The following TMEM178B variants were observed in gnomAD, a reference collection of about 807,000 sequenced individuals.
TMEM178B encodes the protein transmembrane protein 178B.
TMEM178B carries 5 observed loss-of-function variants against 31.0 expected under a neutral mutation model. That is an observed-to-expected ratio of 0.16 (90% CI 0.08 to 0.34). TMEM178B has a LOEUF of 0.34. Among genes scored for constraint, TMEM178B ranks in the 10% least tolerant of loss-of-function variants. TMEM178B has a pLI of 1.00. For synonymous variants in TMEM178B, 164 were observed against 164.0 expected (o/e 1.00, Z 0.00); for missense variants, 275 against 400.3 (o/e 0.69, Z 2.67).
chr7:141,333,180 T>TAGACATAAACGTTGATAAAGCTTGATC (rs1799325543), intron 2 of TMEM178B, among the ~76,000 whole-genome samples: 1 of 152,236 alleles, frequency 6.6e-6, no homozygotes, highest in Non-Finnish European at 1.5e-5. Context: ...AAAACAGCGT[T>TAGACATAAACGTTGATAAAGCTTGATC]AGACATAAAC....
rs1191912376 is a variant in TMEM178B, at chr7:141,461,466, G to T, written c.635-9070G>T. On this transcript the variant is annotated intron_variant, in intron 3 of 3. Transcript: ENST00000565468. The surrounding 1 kb of genome is among the most constrained non-coding windows in gnomAD (Gnocchi z 4.0). Reference sequence around the variant, plus strand: ...TGTGGGCATAACTTGGTCACATAAGGATTAGATATTTGGGCAAATGCCTGT... The same window carrying T: ...TGTGGGCATAACTTGGTCACATAAGTATTAGATATTTGGGCAAATGCCTGT... Among the ~76,000 whole-genome samples, 1 of 152,230 alleles carries T rather than the reference G, an allele frequency of 6.6e-6. No homozygotes were observed. The highest frequency in any genetic ancestry group is 1.5e-5 in the Non-Finnish European group (1 of 68,042).
At chr7:141,336,963 C>G (rs1285779309) in intron 2 of TMEM178B, among the ~76,000 whole-genome samples, 1 of 93,502 alleles carries the variant, frequency 1.1e-5, no homozygotes, top group Non-Finnish European at 2.2e-5. Flanking sequence ...ACCACCATCA[C>G]TACCACCACC....
intron 2 of TMEM178B, among the ~76,000 whole-genome samples, chr7:141,360,629 C>G (rs1472085591): frequency 6.6e-6 from 1 of 152,204 alleles, no homozygotes; most frequent in Non-Finnish European, 1.5e-5. Context: ...TTTCTTTGCC[C>G]TCACTAACTC....
At chr7:141,235,859 T>C (rs1050552340) in intron 2 of TMEM178B, among the ~76,000 whole-genome samples, 1 of 152,226 alleles carries the variant, frequency 6.6e-6, no homozygotes, top group African/African-American at 2.4e-5. Context: ...CTTTGAATCT[T>C]ACAATCTCCC....
intron 1 of TMEM178B, among the ~76,000 whole-genome samples, chr7:141,091,305 G>A (rs1437667789): frequency 6.6e-6 from 1 of 152,128 alleles, no homozygotes; most frequent in Non-Finnish European, 1.5e-5. Flanking sequence ...AGTAATTCAG[G>A]TTTCATAAAA....
At chr7:141,152,532 A>AT (rs1017529088) in intron 1 of TMEM178B, among the ~76,000 whole-genome samples, 2 of 152,186 alleles carry the variant, frequency 1.3e-5, no homozygotes, top group African/African-American at 4.8e-5. Context: ...TCACTTCTAC[A>AT]TCAAGAGACC....
At chr7:141,357,073 A>G (rs1259173291) in intron 2 of TMEM178B, among the ~76,000 whole-genome samples, 2 of 152,222 alleles carry the variant, frequency 1.3e-5, no homozygotes, top group Non-Finnish European at 2.9e-5. Context: ...AAGTATTGCA[A>G]TATTGGTTCA....
At chr7:141,377,042 T>G (rs4512306) in intron 2 of TMEM178B, among the ~76,000 whole-genome samples, 2,724 of 152,208 alleles carry the variant, frequency 0.018, 81 homozygotes, top group African/African-American at 0.061. Flanking sequence ...AAAGAAAATA[T>G]GCCCTAAGAT....
rs903589982 is a variant in TMEM178B, at chr7:141,475,549, A to G, written c.*4763A>G. The G allele has an allele frequency of 1.3e-5, 2 of 152,198 alleles. No homozygotes were observed. The highest frequency in any genetic ancestry group is 2.1e-4 in the South Asian group (1 of 4,826). The allele number at this position is 152,198 out of a possible 1,614,324, so 9.4% of individuals were successfully genotyped here. A position where few individuals can be genotyped will look rare whatever the true frequency, so the allele number is the denominator to read the frequency against. On this transcript the variant is annotated 3_prime_UTR_variant, in exon 4 of 4. Transcript: ENST00000565468. ...TGGTCATGACCTCAAAACTTCCCCA[A>G]TGAGTGCTTGTCTCTGGGTTGGCAG...
intron 1 of TMEM178B, among the ~76,000 whole-genome samples, chr7:141,126,082 T>G (rs980593809): frequency 2.0e-5 from 3 of 152,166 alleles, no homozygotes; most frequent in African/African-American, 7.2e-5. Context: ...ATGACCAGAT[T>G]GTGTGAAATG....
chr7:141,492,882 G>C, the TMEM178B span, among the ~76,000 whole-genome samples: 1 of 152,114 alleles, frequency 6.6e-6, no homozygotes, highest in African/African-American at 2.4e-5. Flanking sequence ...CCACATCTTA[G>C]ATCTCACTGT....
At chr7:141,292,566 T>C (rs1033816479) in intron 2 of TMEM178B, among the ~76,000 whole-genome samples, 33 of 151,468 alleles carry the variant, frequency 2.2e-4, no homozygotes, top group African/African-American at 7.7e-4. Context: ...TGAACCAATA[T>C]CCTTCCAGCT....
chr7:141,507,056 A>G, the TMEM178B span, among the ~76,000 whole-genome samples: 18,439 of 152,144 alleles, frequency 0.12, 3,489 homozygotes, highest in African/African-American at 0.4. Flanking sequence ...GGGCGGCTCT[A>G]CCCCTTTGGC....
At chr7:141,189,965 C>T (rs567789632) in intron 1 of TMEM178B, among the ~76,000 whole-genome samples, 2 of 152,182 alleles carry the variant, frequency 1.3e-5, no homozygotes, top group African/African-American at 2.4e-5. Context: ...AGAGCTGAAA[C>T]AGACCCATAT....
chr7:141,299,040 A>AG (rs1178518022), intron 2 of TMEM178B, among the ~76,000 whole-genome samples: 5 of 152,092 alleles, frequency 3.3e-5, no homozygotes, highest in Admixed American at 2.0e-4. Context: ...GGTGGGTGAG[A>AG]GAGAGATGTC....
chr7:141,446,257 A>G (rs1638508), intron 3 of TMEM178B, among the ~76,000 whole-genome samples: 112,095 of 151,768 alleles, frequency 0.74, 41,647 homozygotes, highest in South Asian at 0.83. Context: ...TACCCCTTCT[A>G]CAGATGTGGG....
At chr7:141,506,366 T>C in the TMEM178B span, among the ~76,000 whole-genome samples, 2 of 152,212 alleles carry the variant, frequency 1.3e-5, no homozygotes, top group African/African-American at 4.8e-5. Context: ...AGAAGTTTAA[T>C]TGGACTTACA....
Position 141,183,756 on chromosome 7 carries a change from A to T in TMEM178B, c.383-28835A>T, listed in dbSNP as rs1246556304. On this transcript the variant is annotated intron_variant, in intron 1 of 3. Transcript: ENST00000565468. The stretch of plus-strand genomic sequence containing the variant: ...TGATACCTAATGACATGAATGATGG[A>T]TAATTATGAATATGTATATGATTAT... Among the ~76,000 whole-genome samples the T allele has an allele frequency of 2.0e-5, 3 of 152,196 alleles. No individual in the cohort carries two copies. In the South Asian group the frequency reaches 6.2e-4, roughly 31 times the overall value.
chr7:141,308,130 C>G (rs181247866), intron 2 of TMEM178B, among the ~76,000 whole-genome samples: 194 of 152,232 alleles, frequency 1.3e-3, no homozygotes, highest in African/African-American at 4.5e-3. Flanking sequence ...AATAACTTGC[C>G]CCAAGTCACA....
Sources: gnomAD v4.1 joint callset for allele counts (sites outside exome capture counted in the v4.1 genomes callset) on GRCh38, gnomAD v4.1.1 for gene constraint, Gnocchi (gnomAD v3.1) non-coding constraint, MANE v1.5 for transcripts, NCBI Gene and HGNC (gene_info 2026-07-23, HGNC 2026-07-21) for gene names.